The following DUOX2 variants were observed in gnomAD, a reference collection of about 807,000 sequenced individuals.
DUOX2 encodes dual oxidase 2, also known as NADH/NADPH thyroid oxidase p138-tox.
Under a neutral mutation model 183.3 loss-of-function variants are expected in DUOX2, and 185 were observed. The observed-to-expected ratio is 1.01, with a 90% CI of 0.90 to 1.14. The LOEUF (loss-of-function observed/expected upper bound fraction) is 1.14. DUOX2 is among the 50% of genes most tolerant of loss of function. DUOX2 has a pLI of 0.00. For missense variants in DUOX2, 1,999 were observed against 2,022.9 expected (o/e 0.99, Z 0.23); for synonymous variants, 788 against 812.4 (o/e 0.97, Z 0.51).
In DUOX2 at chr15:45,097,365, C is replaced by G. The variant is rs906118758; in HGVS notation, c.3720G>C (p.Leu1240=). 21 of 1,614,130 alleles carry G rather than the reference C, an allele frequency of 1.3e-5. No homozygotes were observed. Among genetic ancestry groups the G allele is most frequent in the African/African-American group, 2.7e-5 (2 of 74,944 alleles). The part of the protein sequence containing the change: ...ALLIIHGSYA[L]IQLPTFHIYF... The stretch of plus-strand genomic sequence containing the variant: ...AGATGTGGAAAGTGGGCAGCTGGAT[C>G]AGAGCATAGCTGCCATGGATGATGA... The change falls in exon 29 of 34, where the codon CTG becomes CTC. Residue 1240 remains leucine, a synonymous_variant. Coordinates refer to ENST00000389039, the MANE Select transcript of DUOX2 (RefSeq NM_001363711.2).
chr15:45,102,153 G>T (rs1894101357), intron 20 of DUOX2, among the ~76,000 whole-genome samples, 164 bp from the exon 21 acceptor site: 1 of 152,166 alleles, frequency 6.6e-6, no homozygotes, highest in South Asian at 2.1e-4. Flanking sequence ...AAGCTGGGTG[G>T]GGTAGCCATG....
rs1317301040 is a variant in DUOX2 at position 45,111,474 on chromosome 15, G to C, written c.625C>G (p.Pro209Ala). Residue 209 changes from proline (P) to alanine (A), a missense_variant, in exon 6 of 34, where the codon CCC becomes GCC. Pro to Ala is a conservative substitution (Grantham distance 27). Around this residue, in one of 3 missense-constraint regions of DUOX2, gnomAD observed 356 missense variants for 356.4 expected, o/e 1.00. Coordinates refer to ENST00000389039, the MANE Select transcript of DUOX2 (RefSeq NM_001363711.2). ...TTCTGCGAGTCTCGGGGGAAAGCGGGGTCGGGCCCCGACGCCAGCTGTCCC... is the reference window on the plus strand; with the variant it reads ...TTCTGCGAGTCTCGGGGGAAAGCGGCGTCGGGCCCCGACGCCAGCTGTCCC... Reference protein sequence around the residue: ...SGGQLASGPDPAFPRDSQNPL... With the variant: ...SGGQLASGPDAAFPRDSQNPL... The C allele has an allele frequency of 1.9e-6, 3 of 1,551,594 alleles. No homozygotes were observed. In the South Asian group the frequency reaches 3.6e-5, roughly 18 times the overall value.
intron 33 of DUOX2, 106 bp downstream of exon 33, chr15:45,094,457 A>T (rs1449483301): frequency 6.5e-7 from 1 of 1,533,774 alleles, no homozygotes; most frequent in Non-Finnish European, 8.9e-7. Flanking sequence ...GGGCCAGGCA[A>T]TCGGGTGGAG....
chr15:45,101,504 G>A, intron 21 of DUOX2: 1 of 628,098 alleles, frequency 1.6e-6, no homozygotes. Flanking sequence ...CAGGTCCTTT[G>A]TGTAAAAGAA....
Position 45,106,153 on chromosome 15 carries a change from A to T in DUOX2, c.2120T>A (p.Leu707Gln), listed in dbSNP as rs1894206689. ...GTCATACTCCTTAGGGATCTTGAGC[A>T]GCAGGGTGCGGCATCCTCGGTTGTT... ...LSNNRGCRTLLLKIPKEYDLV... is the reference protein window; with the variant it reads ...LSNNRGCRTLQLKIPKEYDLV... The change falls in exon 17 of 34, where the codon CTG becomes CAG. Residue 707 changes from leucine to glutamine, a missense_variant. Physicochemically the swap from Leu to Gln is moderately radical, Grantham distance 113. Around this residue, in one of 3 missense-constraint regions of DUOX2, gnomAD observed 1,628 missense variants for 1,608.6 expected, o/e 1.01. Coordinates refer to ENST00000389039, the MANE Select transcript of DUOX2 (RefSeq NM_001363711.2). 1 of 1,614,212 alleles carries T rather than the reference A, an allele frequency of 6.2e-7. No homozygotes were observed. The highest frequency in any genetic ancestry group is 2.2e-5 in the East Asian group (1 of 44,874).
rs1170628639 is a variant in DUOX2 at position 45,092,655 on chromosome 15, A to G, written c.*1495T>C. 6.6e-6 allele frequency: 1 copy of G among 152,232 alleles called. No homozygotes were observed. The highest frequency in any genetic ancestry group is 6.5e-5 in the Admixed American group (1 of 15,284). 9.4% of individuals were successfully genotyped at this position (152,232 alleles called of 1,614,324 possible). ...GCATGATGGCCACCAAAACATAGGT[A>G]CAAGAACACTCACAGAATTTTTATT... On this transcript the variant is annotated 3_prime_UTR_variant, in exon 34 of 34. Transcript: ENST00000389039.
At chr15:45,096,650 C>T (rs1893908347) in intron 29 of DUOX2, among the ~76,000 whole-genome samples, 1 of 152,190 alleles carries the variant, frequency 6.6e-6, no homozygotes, top group Non-Finnish European at 1.5e-5. Context: ...TCAGCAAGTG[C>T]TGGAGAGTAG....
intron 28 of DUOX2, 69 bp from the exon 29 acceptor site, chr15:45,097,460 G>C: frequency 1.2e-6 from 2 of 1,613,634 alleles, no homozygotes; most frequent in African/African-American, 2.7e-5. Flanking sequence ...CTCTTGCCCA[G>C]GCACTAGGCC....
intron 4 of DUOX2, 99 bp from the exon 5 acceptor site, chr15:45,112,054 G>T (rs1331403975): frequency 2.1e-6 from 3 of 1,450,486 alleles, no homozygotes; most frequent in Non-Finnish European, 2.8e-6. Flanking sequence ...AAAAGACAGA[G>T]GTCCCAGTGC....
chr15:45,098,998 C>T (rs1185978065), intron 26 of DUOX2: 3 of 279,216 alleles, frequency 1.1e-5, no homozygotes, highest in South Asian at 4.1e-5. Context: ...GCCATTGTGC[C>T]CTGCCTATTT....
At position 45,105,750 on chromosome 15, in the gene DUOX2, C is replaced by G; in HGVS notation, c.2227G>C (p.Gly743Arg). 1 of 1,614,230 alleles carries G rather than the reference C, an allele frequency of 6.2e-7. No homozygotes were observed. Among genetic ancestry groups the G allele is most frequent in the Non-Finnish European group, 8.5e-7 (1 of 1,180,042 alleles). The change falls in exon 18 of 34, where the codon GGC (glycine) becomes CGC (arginine). Residue 743 changes from glycine to arginine, a missense_variant. Gly to Arg is a moderately radical substitution (Grantham distance 125). Coordinates refer to ENST00000389039, the MANE Select transcript of DUOX2 (RefSeq NM_001363711.2). ...LWDFCVRWALGLHVAEMSEKE... is the reference protein window; with the variant it reads ...LWDFCVRWALRLHVAEMSEKE... ...TCGCTCATCTCAGCCACATGGAGGC[C>G]CAGAGCCCAGCGCACGCAGAAGTCC...
chr15:45,099,468 C>T lies in DUOX2; in HGVS notation c.3430G>A (p.Gly1144Ser). 6.2e-7 allele frequency: 1 copy of T among 1,613,906 alleles called. No individual in the cohort carries two copies. The highest frequency in any genetic ancestry group is 8.5e-7 in the Non-Finnish European group (1 of 1,179,998). Residue 1144 changes from glycine to serine, a missense_variant, in exon 26 of 34, where the codon GGC becomes AGC. This residue lies in a region of DUOX2 where 1,628 missense variants were observed against 1,608.6 expected (regional missense o/e 1.01). Transcript: ENST00000389039. ...AVVLAILHSA[G>S]HAVNVYIFSV... ...AAGATGTAGACATTGACTGCGTGGC[C>T]AGCACTGTGCAAAACTGGAAGAGAC...
intron 22 of DUOX2, 131 bp downstream of exon 22, chr15:45,101,074 G>A: frequency 1.2e-6 from 1 of 842,534 alleles, no homozygotes; most frequent in Non-Finnish European, 2.0e-6. Flanking sequence ...TGGAATGTTT[G>A]TGCTACCATG....
chr15:45,113,060 G>C lies in DUOX2; in HGVS notation c.87C>G (p.Leu29=). The stretch of plus-strand genomic sequence containing the variant: ...AGCGCTGCACTTCCCAGGGCAGTGA[G>C]AGTGCGTCCTGACTGCCTGTGGGCA... ...SLGPSGSQDA[L]SLPWEVQRYD... is the part of the protein sequence containing the mutation. Residue 29 remains leucine (L), a synonymous_variant, in exon 3 of 34, where the codon CTC becomes CTG. Transcript: ENST00000389039. 6.2e-7 allele frequency: 1 copy of C among 1,613,998 alleles called. No individual in the cohort carries two copies.
At chr15:45,109,858 C>A in intron 10 of DUOX2, 32 bp downstream of exon 10, 1 of 1,599,952 alleles carries the variant, frequency 6.3e-7, no homozygotes, top group African/African-American at 1.3e-5. Flanking sequence ...TGACCTTGAC[C>A]CATCTTCCCC....
chr15:45,095,413 G>A, intron 31 of DUOX2, 24 bp downstream of exon 31: 1 of 1,614,044 alleles, frequency 6.2e-7, no homozygotes, highest in African/African-American at 1.3e-5. Context: ...TGCCCCATTT[G>A]ATGAATGAGG....
Position 45,093,698 on chromosome 15 carries a change from T to G in DUOX2, c.*452A>C. On this transcript the variant is annotated 3_prime_UTR_variant, in exon 34 of 34. Transcript: ENST00000389039. ...AACGCATCGATTTTGTGGAAGTCAA[T>G]TAGAGATGTGGGGAGCTATCGGAGA... is the stretch of plus-strand genomic sequence containing the variant. The G allele has an allele frequency of 5.5e-6, 1 of 180,546 alleles. No individual in the cohort carries two copies. The highest frequency in any genetic ancestry group is 1.2e-5 in the Non-Finnish European group (1 of 84,196). 11.2% of individuals were successfully genotyped at this position (180,546 alleles called of 1,614,324 possible).
intron 26 of DUOX2, among the ~76,000 whole-genome samples, chr15:45,098,669 G>A (rs542856286): frequency 8.6e-5 from 13 of 151,580 alleles, no homozygotes; most frequent in Admixed American, 4.6e-4. Context: ...TTAGCACTGA[G>A]CTTCTTGCTG....
chr15:45,099,383 C>G lies in DUOX2; in HGVS notation c.3515G>C (p.Gly1172Ala). 1.2e-6 allele frequency: 2 copies of G among 1,613,538 alleles called. No individual in the cohort carries two copies. The highest frequency in any genetic ancestry group is 1.7e-6 in the Non-Finnish European group (2 of 1,179,532). Reference protein sequence around the residue: ...CIFPNVFVNDGSKLPQKFYWW... With the variant: ...CIFPNVFVNDASKLPQKFYWW... ...AGGAGAAACCATCCCCAGAACTGACCCATCATTCACAAAGACGTTGGGGAA... is the reference window on the plus strand; with the variant it reads ...AGGAGAAACCATCCCCAGAACTGACGCATCATTCACAAAGACGTTGGGGAA... The change falls in exon 26 of 34, where the codon GGG (glycine) becomes GCG (alanine). Residue 1172 changes from glycine (G) to alanine (A), a missense_variant and splice_region_variant. By Grantham distance (60) the Gly-to-Ala change is moderately conservative. This residue lies in a region of DUOX2 where 1,628 missense variants were observed against 1,608.6 expected (regional missense o/e 1.01). Coordinates refer to ENST00000389039, the MANE Select transcript of DUOX2 (RefSeq NM_001363711.2).
Sources: allele counts gnomAD v4.1 joint callset (sites outside exome capture counted in the v4.1 genomes callset), GRCh38; gene constraint gnomAD v4.1.1; regional missense constraint gnomAD v4.1.1; transcripts MANE v1.5; gene names NCBI Gene and HGNC (gene_info 2026-07-23, HGNC 2026-07-21).